Variants in CD38 observed in about 807,000 individuals in gnomAD.
CD38 encodes the protein ADP-ribosyl cyclase/cyclic ADP-ribose hydrolase 1.
CD38 carries 31 observed loss-of-function variants against 36.3 expected under a neutral mutation model. That is an observed-to-expected ratio of 0.85 (90% CI 0.64 to 1.15). The LOEUF (loss-of-function observed/expected upper bound fraction) is 1.15, where lower values mean the gene tolerates loss of function less well. Ranked by LOEUF, CD38 falls within the 50% of genes most tolerant of loss-of-function variation. CD38 has a pLI of 0.00. For missense variants in CD38, 380 were observed against 371.9 expected (o/e 1.02, Z -0.18); for synonymous variants, 131 against 135.2 (o/e 0.97, Z 0.22).
rs1183291176 is a variant in CD38, at chr4:15,842,062, C to G, written c.839+1524C>G. ...TCGAACTGGGTGGAGCCCACCACAGCTCAAGGAGGCCTGCCTGCCTCTGTA... is the reference window on the plus strand; with the variant it reads ...TCGAACTGGGTGGAGCCCACCACAGGTCAAGGAGGCCTGCCTGCCTCTGTA... On this transcript the variant is annotated intron_variant, in intron 7 of 7. Transcript: ENST00000226279. Among the ~76,000 whole-genome samples, 291 of 136,380 alleles carry G rather than the reference C, an allele frequency of 2.1e-3. 1 individual carries two copies. The highest frequency in any genetic ancestry group is 3.6e-3 in the Middle Eastern group (1 of 274). 89.5% of individuals were successfully genotyped at this position (136,380 alleles called of 152,430 possible).
intron 2 of CD38, among the ~76,000 whole-genome samples, chr4:15,819,597 TG>T (rs1297407311): frequency 6.6e-6 from 1 of 152,036 alleles, no homozygotes; most frequent in African/African-American, 2.4e-5. Flanking sequence ...AACTTCAAGA[TG>T]TAAACACAAG....
At chr4:15,815,165 T>G (rs1259496422) in intron 1 of CD38, among the ~76,000 whole-genome samples, 1 of 152,214 alleles carries the variant, frequency 6.6e-6, no homozygotes, top group East Asian at 1.9e-4. Context: ...CTGTAGTTAC[T>G]GTAGCCTTGT....
chr4:15,798,331 G>A (rs193046054), intron 1 of CD38, among the ~76,000 whole-genome samples: 59 of 152,278 alleles, frequency 3.9e-4, no homozygotes, highest in African/African-American at 1.2e-3. Context: ...TCAGCTTCTT[G>A]TCACAAGATT....
intron 1 of CD38, among the ~76,000 whole-genome samples, chr4:15,809,492 T>G (rs1221475418): frequency 1.3e-5 from 2 of 152,182 alleles, no homozygotes; most frequent in Non-Finnish European, 2.9e-5. Flanking sequence ...TTTTTAGAAA[T>G]TCTTGGTTCT....
chr4:15,802,669 G>T (rs1723255946), intron 1 of CD38, among the ~76,000 whole-genome samples: 7 of 151,952 alleles, frequency 4.6e-5, no homozygotes, highest in Admixed American at 4.6e-4. Context: ...CAATTCTCCT[G>T]CTTCAGCCAC....
At chr4:15,816,753 G>C in intron 2 of CD38, 113 bp downstream of exon 2, 1 of 1,136,364 alleles carries the variant, frequency 8.8e-7, no homozygotes, top group Non-Finnish European at 1.3e-6. Flanking sequence ...AGACATTATA[G>C]TGTGAGTGTG....
At chr4:15,840,569 A>T (rs1457102128) in intron 7 of CD38, 31 bp downstream of exon 7, 1 of 1,280,970 alleles carries the variant, frequency 7.8e-7, no homozygotes, top group African/African-American at 1.5e-5. Context: ...GAAAAAAATG[A>T]CTGTCTTGTC....
chr4:15,828,497 T>C (rs189396566), intron 3 of CD38, among the ~76,000 whole-genome samples: 2 of 152,280 alleles, frequency 1.3e-5, no homozygotes, highest in East Asian at 3.9e-4. Flanking sequence ...CAACTTCTGG[T>C]CTCTGTATCC....
Position 15,841,306 on chromosome 4 carries a change from G to A in CD38, c.839+768G>A, listed in dbSNP as rs1023845042. Among the ~76,000 whole-genome samples, 14 of 152,318 alleles carry A rather than the reference G, an allele frequency of 9.2e-5. 1 individual carries two copies. Among genetic ancestry groups the A allele is most frequent in the Admixed American group, 9.1e-4 (14 of 15,304 alleles). ...GCTGTTCAAAGGAGGTAGAAGCTGA[G>A]ATGCTAGAATATTGTTCCTGTTTCC... On this transcript the variant is annotated intron_variant, in intron 7 of 7. Coordinates refer to ENST00000226279, the MANE Select transcript of CD38 (RefSeq NM_001775.4).
chr4:15,834,296 C>T lies in CD38; in HGVS notation c.579C>T (p.Ser193=), dbSNP rs773960992. ...TTTCAGTATTCTGGAAAACGGTTTC[C>T]CGCAGGGTAAGTACCAAGTAGTGAA... ...NPVSVFWKTV[S]RRFAEAACDV... is the part of the protein sequence containing the mutation. Residue 193 remains serine (S), a synonymous_variant, in exon 4 of 8, where the codon TCC becomes TCT. Transcript: ENST00000226279. 6.2e-7 allele frequency: 1 copy of T among 1,606,802 alleles called. No homozygotes were observed. The highest frequency in any genetic ancestry group is 8.5e-7 in the Non-Finnish European group (1 of 1,173,246).
At chr4:15,837,516 C>T (rs919913122) in intron 4 of CD38, among the ~76,000 whole-genome samples, 18 of 152,118 alleles carry the variant, frequency 1.2e-4, no homozygotes, top group Admixed American at 1.0e-3. Context: ...CTATTTTGTT[C>T]ATTTCATTTT....
At position 15,778,873 on chromosome 4, in the gene CD38, G is replaced by C. The variant is rs1274282854; in HGVS notation, c.233+226G>C. Reference sequence around the variant, plus strand: ...GTGCCCGCGGGAGGCGGGGGGGGGCGCTGCTCGGTGGCTCTGCTGCGTAGC... The same window carrying C: ...GTGCCCGCGGGAGGCGGGGGGGGGCCCTGCTCGGTGGCTCTGCTGCGTAGC... On this transcript the variant is annotated intron_variant, in intron 1 of 7. Coordinates refer to ENST00000226279, the MANE Select transcript of CD38 (RefSeq NM_001775.4). This position sits in a 1 kb window ranked among gnomAD's most constrained non-coding sequence, Gnocchi z 4.9. 6.6e-6 allele frequency among the ~76,000 whole-genome samples: 1 copy of C among 150,718 alleles called. No homozygotes were observed. The highest frequency in any genetic ancestry group is 1.5e-5 in the Non-Finnish European group (1 of 67,598).
chr4:15,816,910 C>T (rs1723612500), intron 2 of CD38, among the ~76,000 whole-genome samples: 1 of 152,170 alleles, frequency 6.6e-6, no homozygotes, highest in Non-Finnish European at 1.5e-5. Flanking sequence ...AAAAACCTAA[C>T]ACCAAACCCA....
intron 1 of CD38, among the ~76,000 whole-genome samples, chr4:15,790,497 G>C (rs1722946949): frequency 6.6e-6 from 1 of 152,062 alleles, no homozygotes; most frequent in Admixed American, 6.5e-5. Context: ...GCCCAGGCTG[G>C]AGTGCAGTGG....
At chr4:15,820,281 G>A (rs552975774) in intron 2 of CD38, among the ~76,000 whole-genome samples, 5 of 152,030 alleles carry the variant, frequency 3.3e-5, no homozygotes, top group African/African-American at 7.2e-5. Flanking sequence ...AAGCAACTAC[G>A]TAAACAAATC....
chr4:15,821,342 A>G (rs766141495), intron 2 of CD38, among the ~76,000 whole-genome samples: 9 of 152,104 alleles, frequency 5.9e-5, no homozygotes, highest in Non-Finnish European at 1.3e-4. Context: ...CCAAGCTCAG[A>G]GCAGAACTGA....
chr4:15,821,876 A>T (rs993100517), intron 2 of CD38, among the ~76,000 whole-genome samples: 8 of 146,096 alleles, frequency 5.5e-5, no homozygotes, highest in African/African-American at 1.2e-4. Context: ...GCAGAGATTT[A>T]AAAAAAAAAA....
intron 3 of CD38, among the ~76,000 whole-genome samples, chr4:15,829,043 G>T (rs545321934): frequency 4.3e-4 from 66 of 152,116 alleles, no homozygotes; most frequent in African/African-American, 1.5e-3. Context: ...TCTCATTGTG[G>T]TTTTAATTTT....
chr4:15,816,938 A>G, intron 2 of CD38, among the ~76,000 whole-genome samples: 1 of 152,248 alleles, frequency 6.6e-6, no homozygotes, highest in East Asian at 1.9e-4. Flanking sequence ...CAAACAAATT[A>G]ACACGACCTA....
Sources: allele counts gnomAD v4.1 joint callset (sites outside exome capture counted in the v4.1 genomes callset), GRCh38; gene constraint gnomAD v4.1.1; non-coding constraint Gnocchi (gnomAD v3.1); transcripts MANE v1.5; gene names NCBI Gene and HGNC (gene_info 2026-07-23, HGNC 2026-07-21).